The following CDH18 variants were observed in gnomAD, a reference collection of about 807,000 sequenced individuals.
The protein encoded by CDH18 is cadherin-18.
CDH18 carries 31 observed loss-of-function variants against 67.9 expected under a neutral mutation model. The observed-to-expected ratio is 0.46, with a 90% CI of 0.34 to 0.62. CDH18 has a LOEUF of 0.62. CDH18 is among the 20% of genes least tolerant of loss of function. The pLI, the probability that CDH18 is intolerant of heterozygous loss-of-function variation, is 0.01. For missense variants in CDH18, 890 were observed against 975.5 expected, an observed-to-expected ratio of 0.91 and a Z score of 1.17; for synonymous variants, 362 against 347.2, an observed-to-expected ratio of 1.04 and a Z score of -0.48.
At chr5:19,717,967 A>T (rs1040385650) in intron 5 of CDH18, among the ~76,000 whole-genome samples, 1 of 152,024 alleles carries the variant, frequency 6.6e-6, no homozygotes, top group Non-Finnish European at 1.5e-5. Flanking sequence ...AAATTACCTT[A>T]ACGAAAGTCA....
At chr5:20,275,368 T>C (rs2940458) in intron 1 of CDH18, among the ~76,000 whole-genome samples, 69,842 of 151,840 alleles carry the variant, frequency 0.46, 16,224 homozygotes, top group African/African-American at 0.51. Flanking sequence ...GTCATTGCTT[T>C]CCCTTCATCT....
intron 2 of CDH18, among the ~76,000 whole-genome samples, chr5:20,144,624 A>C (rs760046609): frequency 1.3e-5 from 2 of 152,050 alleles, no homozygotes; most frequent in Non-Finnish European, 2.9e-5. Context: ...GAGTGTTGGC[A>C]TGGTGTGAAT....
At chr5:20,318,161 G>C (rs927509527) in intron 1 of CDH18, among the ~76,000 whole-genome samples, 3 of 152,110 alleles carry the variant, frequency 2.0e-5, no homozygotes, top group African/African-American at 7.2e-5. Context: ...GGGAAATGCT[G>C]ATCTAACTTA....
At chr5:20,184,985 T>C (rs1221370108) in intron 2 of CDH18, among the ~76,000 whole-genome samples, 3 of 152,064 alleles carry the variant, frequency 2.0e-5, no homozygotes, top group African/African-American at 7.2e-5. Flanking sequence ...AAACTACCAA[T>C]TGAGTTAGTT....
chr5:19,924,498 C>T (rs947937513), intron 2 of CDH18, among the ~76,000 whole-genome samples: 9 of 151,980 alleles, frequency 5.9e-5, no homozygotes, highest in South Asian at 4.2e-4. Flanking sequence ...TGGTGGCAGG[C>T]GCCTATAATC....
At chr5:20,566,346 TTTTTTTTCTTTTTC>T (rs1257937473) in intron 1 of CDH18, among the ~76,000 whole-genome samples, 2 of 106,506 alleles carry the variant, frequency 1.9e-5, no homozygotes, top group Admixed American at 1.7e-4. Flanking sequence ...ATTCTCTTGA[TTTTTTTTCTTTTTC>T]TTTTTTTTTT....
chr5:20,336,646 C>G (rs1329820556), intron 1 of CDH18, among the ~76,000 whole-genome samples: 1 of 139,530 alleles, frequency 7.2e-6, no homozygotes, highest in Non-Finnish European at 1.5e-5. Flanking sequence ...TGGCGTGAAC[C>G]CGGGAGGCAT....
intron 1 of CDH18, among the ~76,000 whole-genome samples, chr5:20,542,221 G>C (rs529476884): frequency 7.6e-4 from 116 of 152,110 alleles, no homozygotes; most frequent in Non-Finnish European, 1.5e-3. Flanking sequence ...CAAATGCTAA[G>C]TAAATAGTAA....
rs577870011 is a variant in CDH18 at position 20,512,285 on chromosome 5, T to G, written c.-580+63177A>C. On this transcript the variant is annotated intron_variant, in intron 1 of 14. Coordinates refer to the CDH18 transcript ENST00000507958. ...TCTATTTTTCTGAAATTTCTTAATT[T>G]GATAATTTATATTAGATTGCTTATA... 4.1e-4 allele frequency among the ~76,000 whole-genome samples: 63 copies of G among 152,298 alleles called. No individual in the cohort carries two copies. The South Asian group carries it at 0.013, about 32-fold the overall frequency.
intron 2 of CDH18, among the ~76,000 whole-genome samples, chr5:20,153,497 A>G (rs1347159139): frequency 6.6e-6 from 1 of 152,220 alleles, no homozygotes; most frequent in African/African-American, 2.4e-5. Context: ...GCAAACAAAG[A>G]TAAACTAGTG....
chr5:19,700,748 C>A (rs1763134605), intron 5 of CDH18, among the ~76,000 whole-genome samples: 1 of 152,098 alleles, frequency 6.6e-6, no homozygotes, highest in South Asian at 2.1e-4. Context: ...GTATTTGTAT[C>A]TAAACATTCC....
intron 9 of CDH18, among the ~76,000 whole-genome samples, chr5:19,538,833 C>T (rs1749805331): frequency 6.6e-6 from 1 of 152,110 alleles, no homozygotes; most frequent in Non-Finnish European, 1.5e-5. Flanking sequence ...GCATAAATCC[C>T]TAGGTAGCCT....
chr5:20,431,718 C>A (rs369544188), intron 1 of CDH18, among the ~76,000 whole-genome samples: 2 of 152,036 alleles, frequency 1.3e-5, no homozygotes, highest in Non-Finnish European at 2.9e-5. Context: ...TATAAAAGTT[C>A]TCTGTTCATT....
chr5:19,594,367 G>A (rs1346047787), intron 6 of CDH18, among the ~76,000 whole-genome samples: 1 of 152,054 alleles, frequency 6.6e-6, no homozygotes, highest in Non-Finnish European at 1.5e-5. Context: ...TGGCCAGACT[G>A]GTCTTGAACT....
chr5:20,133,065 G>A (rs1273441842), intron 2 of CDH18, among the ~76,000 whole-genome samples: 1 of 152,054 alleles, frequency 6.6e-6, no homozygotes, highest in Non-Finnish European at 1.5e-5. Flanking sequence ...TTTTCCTTCT[G>A]TCTGGAGAAC....
chr5:19,886,953 T>C (rs1229417345), intron 2 of CDH18, among the ~76,000 whole-genome samples: 1 of 152,162 alleles, frequency 6.6e-6, no homozygotes, highest in African/African-American at 2.4e-5. Flanking sequence ...CTATATATTA[T>C]TGCATATGAC....
At chr5:20,564,295 T>TA (rs1561135712) in intron 1 of CDH18, among the ~76,000 whole-genome samples, 5 of 150,910 alleles carry the variant, frequency 3.3e-5, no homozygotes, top group Admixed American at 6.6e-5. Flanking sequence ...TTTATTTATT[T>TA]TAGATGGAGT....
chr5:20,018,365 A>T (rs1738075586), intron 2 of CDH18, among the ~76,000 whole-genome samples: 1 of 152,202 alleles, frequency 6.6e-6, no homozygotes, highest in South Asian at 2.1e-4. Flanking sequence ...ATAGAAATAG[A>T]CATAGAGTTT....
chr5:20,437,564 G>A (rs1749263514), intron 1 of CDH18, among the ~76,000 whole-genome samples: 1 of 151,020 alleles, frequency 6.6e-6, no homozygotes, highest in Non-Finnish European at 1.5e-5. Flanking sequence ...AATGAAAACT[G>A]ATATTTTCAA....
Sources: gnomAD v4.1 joint callset for allele counts (sites outside exome capture counted in the v4.1 genomes callset) on GRCh38, gnomAD v4.1.1 for gene constraint, MANE v1.5 for transcripts, NCBI Gene and HGNC (gene_info 2026-07-23, HGNC 2026-07-21) for gene names.